Variants in GRIK2 observed in about 807,000 individuals in gnomAD.
GRIK2 encodes glutamate receptor ionotropic, kainate 2.
A neutral mutation model predicts 100.3 loss-of-function variants in GRIK2; 32 were observed. The observed-to-expected ratio is 0.32, with a 90% CI of 0.24 to 0.43. The LOEUF is 0.43. GRIK2 is among the 20% of genes least tolerant of loss of function. GRIK2 has a pLI of 1.00. For synonymous variants in GRIK2, 417 were observed against 389.4 expected (o/e 1.07, Z -0.83); for missense variants, 843 against 1,114.9 (o/e 0.76, Z 3.47).
intron 7 of GRIK2, among the ~76,000 whole-genome samples, chr6:101,757,498 T>G (rs750216284): frequency 2.0e-5 from 3 of 152,178 alleles, no homozygotes; most frequent in Non-Finnish European, 2.9e-5. Flanking sequence ...CATTTAAAAG[T>G]TTACAGTGGG....
intron 14 of GRIK2, among the ~76,000 whole-genome samples, chr6:101,938,934 G>A (rs1404724617): frequency 6.6e-6 from 1 of 151,990 alleles, no homozygotes; most frequent in Non-Finnish European, 1.5e-5. Context: ...CATAGCACAA[G>A]TGAGTTCAGT....
chr6:101,614,858 CGTTG>C (rs1332741651), intron 2 of GRIK2, among the ~76,000 whole-genome samples: 3 of 151,732 alleles, frequency 2.0e-5, no homozygotes. Context: ...TTAGATGTGA[CGTTG>C]GTTGGTACAT....
At chr6:101,843,141 A>G (rs1215884292) in intron 10 of GRIK2, among the ~76,000 whole-genome samples, 2 of 152,206 alleles carry the variant, frequency 1.3e-5, no homozygotes, top group East Asian at 3.9e-4. Flanking sequence ...TGAAGAAAAA[A>G]AATTCAACCT....
intron 2 of GRIK2, among the ~76,000 whole-genome samples, chr6:101,546,276 T>C (rs1248742437): frequency 6.6e-6 from 1 of 152,148 alleles, no homozygotes; most frequent in Non-Finnish European, 1.5e-5. Flanking sequence ...TCAGAAAAGG[T>C]GATAAATATT....
At chr6:101,928,394 C>G (rs1018091912) in intron 13 of GRIK2, 21 bp from the exon 14 acceptor site, 2 of 1,259,578 alleles carry the variant, frequency 1.6e-6, no homozygotes, top group Non-Finnish European at 2.3e-6. Flanking sequence ...TTCGTTTCAC[C>G]TTTCCCCCAC....
intron 7 of GRIK2, among the ~76,000 whole-genome samples, chr6:101,714,892 C>G (rs774355073): frequency 6.6e-6 from 1 of 151,622 alleles, no homozygotes; most frequent in Non-Finnish European, 1.5e-5. Flanking sequence ...AAATCTGAAG[C>G]ATTTTTCCAG....
chr6:101,419,368 T>C (rs766882777), intron 2 of GRIK2, among the ~76,000 whole-genome samples: 5 of 152,112 alleles, frequency 3.3e-5, no homozygotes, highest in Non-Finnish European at 7.4e-5. Context: ...GCAAAGAGGC[T>C]AGGGAGGGGT....
chr6:101,616,853 A>C (rs1779916424), intron 2 of GRIK2, among the ~76,000 whole-genome samples: 1 of 151,620 alleles, frequency 6.6e-6, no homozygotes, highest in East Asian at 1.9e-4. Context: ...GTTTTTGAAC[A>C]TTTTCTTACA....
chr6:101,884,043 A>G (rs541770710), intron 11 of GRIK2, among the ~76,000 whole-genome samples: 1 of 152,084 alleles, frequency 6.6e-6, no homozygotes, highest in Non-Finnish European at 1.5e-5. Context: ...CCATTGTAAG[A>G]GTTCAGGCAA....
At chr6:101,598,608 A>AAAG (rs1779041813) in intron 2 of GRIK2, among the ~76,000 whole-genome samples, 1 of 142,742 alleles carries the variant, frequency 7.0e-6, no homozygotes, top group Admixed American at 7.2e-5. Context: ...AAAAAAAAAA[A>AAAG]AAAGAAAGAA....
At chr6:101,790,381 A>G (rs1182637538) in intron 7 of GRIK2, among the ~76,000 whole-genome samples, 2 of 152,198 alleles carry the variant, frequency 1.3e-5, no homozygotes, top group Non-Finnish European at 1.5e-5. Context: ...GATACGTCAC[A>G]TCAATTCCTA....
intron 11 of GRIK2, among the ~76,000 whole-genome samples, chr6:101,868,323 A>C (rs1399380314): frequency 2.0e-5 from 3 of 151,800 alleles, no homozygotes; most frequent in African/African-American, 7.3e-5. Context: ...GAAAATAGAA[A>C]TATAAATTAA....
chr6:101,804,507 C>A (rs1368279941), intron 9 of GRIK2, among the ~76,000 whole-genome samples: 1 of 151,916 alleles, frequency 6.6e-6, no homozygotes, highest in Non-Finnish European at 1.5e-5. Flanking sequence ...TGACAGAAGG[C>A]ATTAACTGAA....
At chr6:101,789,773 T>C (rs1779709626) in intron 7 of GRIK2, among the ~76,000 whole-genome samples, 1 of 152,234 alleles carries the variant, frequency 6.6e-6, no homozygotes, top group South Asian at 2.1e-4. Context: ...GGGAATGGCA[T>C]TGAATCTATA....
intron 7 of GRIK2, among the ~76,000 whole-genome samples, chr6:101,730,989 T>G (rs1775227936): frequency 6.6e-6 from 1 of 151,996 alleles, no homozygotes; most frequent in Non-Finnish European, 1.5e-5. Flanking sequence ...ATATCAAATC[T>G]TATCACTGCA....
chr6:101,965,214 A>G (rs1223043), intron 14 of GRIK2, among the ~76,000 whole-genome samples: 78,418 of 152,032 alleles, frequency 0.52, 20,827 homozygotes, highest in African/African-American at 0.65. Flanking sequence ...TTTTGATCTC[A>G]GGACATGTGC....
intron 14 of GRIK2, among the ~76,000 whole-genome samples, chr6:102,005,247 T>C (rs1370145672): frequency 6.6e-6 from 1 of 151,030 alleles, no homozygotes; most frequent in African/African-American, 2.4e-5. Context: ...TATAATCTTA[T>C]AAATATTCAC....
At chr6:101,727,333 A>C (rs564228194) in intron 7 of GRIK2, among the ~76,000 whole-genome samples, 1 of 152,236 alleles carries the variant, frequency 6.6e-6, no homozygotes, top group African/African-American at 2.4e-5. Context: ...TATTTCAAGT[A>C]GTACTGTCCC....
At position 101,987,640 on chromosome 6, in the gene GRIK2, A is replaced by G. The variant is rs577785925; in HGVS notation, c.2086-47701A>G. ...AATTAGATGTATACTAATTATTAAG[A>G]CAATAATATATAAGTATATAGTTAT... On this transcript the variant is annotated intron_variant, in intron 14 of 16. Coordinates refer to ENST00000369134, the MANE Select transcript of GRIK2 (RefSeq NM_021956.5). Among the ~76,000 whole-genome samples, 9 of 150,382 alleles carry G rather than the reference A, an allele frequency of 6.0e-5. No individual in the cohort carries two copies. In the East Asian group the frequency reaches 1.8e-3, roughly 29 times the overall value.
Sources: allele counts gnomAD v4.1 joint callset (sites outside exome capture counted in the v4.1 genomes callset), GRCh38; gene constraint gnomAD v4.1.1; transcripts MANE v1.5; gene names NCBI Gene and HGNC (gene_info 2026-07-23, HGNC 2026-07-21).